Variants in LIPK observed in about 807,000 individuals in gnomAD.
LIPK encodes the protein lipase member K.
Under a neutral mutation model 48.6 loss-of-function variants are expected in LIPK, and 32 were observed. The observed-to-expected ratio is 0.66, with a 90% CI of 0.50 to 0.88. LIPK has a LOEUF of 0.88. Ranked by LOEUF, LIPK falls within the 40% of genes least tolerant of loss-of-function variation. LIPK has a pLI of 0.00. For synonymous variants in LIPK, 164 were observed against 157.4 expected (o/e 1.04, Z -0.32); for missense variants, 507 against 478.5 (o/e 1.06, Z -0.56).
intron 7 of LIPK, among the ~76,000 whole-genome samples, chr10:88,738,302 T>G (rs1284198257): frequency 1.3e-5 from 2 of 152,074 alleles, no homozygotes; most frequent in Non-Finnish European, 2.9e-5. Flanking sequence ...AATTTCTAAT[T>G]TAACTGAGAT....
intron 9 of LIPK, among the ~76,000 whole-genome samples, chr10:88,746,301 C>A (rs929984506): frequency 6.6e-6 from 1 of 152,074 alleles, no homozygotes; most frequent in Non-Finnish European, 1.5e-5. Flanking sequence ...AGAGAACACT[C>A]GACCCAATAA....
At chr10:88,735,888 G>A (rs529619577) in intron 6 of LIPK, among the ~76,000 whole-genome samples, 9 of 152,174 alleles carry the variant, frequency 5.9e-5, no homozygotes, top group Non-Finnish European at 1.3e-4. Flanking sequence ...TCACCTTTGA[G>A]TAAATGCATA....
At chr10:88,710,751 A>G (rs1358834090) in intron 1 of LIPK, among the ~76,000 whole-genome samples, 1 of 152,214 alleles carries the variant, frequency 6.6e-6, no homozygotes, top group Non-Finnish European at 1.5e-5. Flanking sequence ...ATTATTTTCA[A>G]TAATTTGCTA....
chr10:88,735,718 C>T (rs1842558084), intron 6 of LIPK, among the ~76,000 whole-genome samples: 1 of 152,182 alleles, frequency 6.6e-6, no homozygotes, highest in South Asian at 2.1e-4. Context: ...CTAGAAGGAG[C>T]CTGGCTCCCT....
At chr10:88,731,251 T>G in intron 4 of LIPK, 70 bp downstream of exon 4, 1 of 1,270,418 alleles carries the variant, frequency 7.9e-7, no homozygotes. Flanking sequence ...CCTAGTGATT[T>G]TTTTCCTGTT....
Position 88,743,229 on chromosome 10 carries a change from A to T in LIPK, c.889-21A>T, listed in dbSNP as rs375639751. 234 of 1,528,590 alleles carry T rather than the reference A, an allele frequency of 1.5e-4. No homozygotes were observed. In the African/African-American group the frequency reaches 3.1e-3, roughly 20 times the overall value. The allele number at this position is 1,528,590 out of a possible 1,614,324, so 94.7% of individuals were successfully genotyped here. A position where few individuals can be genotyped will look rare whatever the true frequency, so the allele number is the denominator to read the frequency against. ...GTACACTATTTTCTTATATTATTTT[A>T]ACGTGCTTATTTTATTTTAGGCTGT... On this transcript the variant is annotated intron_variant, in intron 8 of 9. Coordinates refer to ENST00000404190, the MANE Select transcript of LIPK (RefSeq NM_001080518.2).
chr10:88,739,256 A>T (rs1769698), intron 7 of LIPK, among the ~76,000 whole-genome samples: 33,104 of 152,120 alleles, frequency 0.22, 3,780 homozygotes, highest in East Asian at 0.37. Context: ...ACGTCAACAT[A>T]CAGATCTATT....
intron 3 of LIPK, among the ~76,000 whole-genome samples, chr10:88,729,252 TGGG>T (rs71022537): frequency 2.5e-5 from 1 of 40,198 alleles, no homozygotes. Context: ...GGCTATCTGT[TGGG>T]GGGGGGGGGC....
chr10:88,718,162 A>G (rs1457253620), intron 1 of LIPK, among the ~76,000 whole-genome samples: 1 of 151,512 alleles, frequency 6.6e-6, no homozygotes, highest in Non-Finnish European at 1.5e-5. Context: ...TAGCTCACTA[A>G]TCAAGAAAAG....
chr10:88,752,444 G>C lies in LIPK; in HGVS notation c.961-73G>C, dbSNP rs917476792. The C allele has an allele frequency of 3.6e-6, 4 of 1,098,646 alleles. No homozygotes were observed. The African/African-American group carries it at 6.3e-5, about 17-fold the overall frequency. 68.1% of individuals were successfully genotyped at this position (1,098,646 alleles called of 1,614,324 possible). On this transcript the variant is annotated intron_variant, in intron 9 of 9. Coordinates refer to ENST00000404190, the MANE Select transcript of LIPK (RefSeq NM_001080518.2). ...TAGCATTTAAAGAACTTGCTCAACA[G>C]CTGACAGTTAATGTTACTTCTATAA...
chr10:88,722,881 T>C (rs962351588), intron 1 of LIPK, among the ~76,000 whole-genome samples: 8 of 75,498 alleles, frequency 1.1e-4, no homozygotes, highest in Non-Finnish European at 1.6e-4. Flanking sequence ...TTTCTTCTTT[T>C]CTTTTTTCTT....
rs746259143 is a variant in LIPK at position 88,724,581 on chromosome 10, T to G, written c.38T>G (p.Leu13Arg). The change falls in exon 2 of 10, where the codon CTT becomes CGT. Residue 13 changes from leucine to arginine, a missense_variant. Coordinates refer to ENST00000404190, the MANE Select transcript of LIPK (RefSeq NM_001080518.2). ...TTAGCAGCAGCATGCTGGATGCTTC[T>G]TCTTGGATCTATGTATGGTTATGAC... ...QLLAAACWML[L>R]LGSMYGYDKK... 1 of 1,610,440 alleles carries G rather than the reference T, an allele frequency of 6.2e-7. No homozygotes were observed. Among genetic ancestry groups the G allele is most frequent in the South Asian group, 1.1e-5 (1 of 89,936 alleles).
intron 1 of LIPK, among the ~76,000 whole-genome samples, chr10:88,711,365 C>G (rs1202488971): frequency 6.6e-6 from 1 of 151,982 alleles, no homozygotes; most frequent in East Asian, 1.9e-4. Flanking sequence ...ACCTAGTTAC[C>G]CTTTGTGTGC....
intron 1 of LIPK, among the ~76,000 whole-genome samples, chr10:88,712,251 ACT>A (rs906871701): frequency 7.9e-4 from 121 of 152,278 alleles, no homozygotes; most frequent in Middle Eastern, 3.4e-3. Flanking sequence ...TGCAATGATG[ACT>A]CTGAACTCTC....
At chr10:88,710,393 T>C (rs1242880515) in intron 1 of LIPK, among the ~76,000 whole-genome samples, 5 of 152,216 alleles carry the variant, frequency 3.3e-5, no homozygotes, top group Non-Finnish European at 4.4e-5. Context: ...TGAAAACACC[T>C]GCTTTGCAAC....
intron 8 of LIPK, among the ~76,000 whole-genome samples, chr10:88,742,742 G>T (rs1419129924): frequency 6.8e-6 from 1 of 147,396 alleles, no homozygotes; most frequent in Admixed American, 6.9e-5. Context: ...GAAGCTCAGT[G>T]GGTGAATATT....
intron 9 of LIPK, among the ~76,000 whole-genome samples, chr10:88,751,170 G>A (rs1469503980): frequency 6.6e-6 from 1 of 152,010 alleles, no homozygotes; most frequent in Non-Finnish European, 1.5e-5. Context: ...TGTGTCACCA[G>A]ATCTACGAAA....
intron 5 of LIPK, 22 bp from the exon 6 acceptor site, chr10:88,732,393 C>T (rs962609147): frequency 1.2e-6 from 2 of 1,603,014 alleles, no homozygotes; most frequent in African/African-American, 1.3e-5. Flanking sequence ...AAACTATGAA[C>T]TACTGTCTTC....
chr10:88,715,614 G>T (rs1023833980), intron 1 of LIPK, among the ~76,000 whole-genome samples: 5 of 151,812 alleles, frequency 3.3e-5, no homozygotes, highest in Non-Finnish European at 2.9e-5. Context: ...TTTTTTTAGA[G>T]TATTTTCTGT....
Sources: gnomAD v4.1 joint callset for allele counts (sites outside exome capture counted in the v4.1 genomes callset) on GRCh38, gnomAD v4.1.1 for gene constraint, MANE v1.5 for transcripts, NCBI Gene and HGNC (gene_info 2026-07-23, HGNC 2026-07-21) for gene names.